Variants in KSR2 observed in about 807,000 individuals in gnomAD.
KSR2 encodes kinase suppressor of ras 2.
Under a neutral mutation model 107.8 loss-of-function variants are expected in KSR2, and 25 were observed. The ratio of observed to expected loss-of-function variants is 0.23; its 90% CI spans 0.17 to 0.32. The LOEUF is 0.32. Among genes scored for constraint, KSR2 ranks in the 10% least tolerant of loss-of-function variants. KSR2 has a pLI of 1.00. For synonymous variants in KSR2, 480 were observed against 507.0 expected (o/e 0.95, Z 0.71); for missense variants, 887 against 1,268.9 (o/e 0.70, Z 4.57).
chr12:117,530,691 A>C lies in KSR2; in HGVS notation c.1802+250T>G, dbSNP rs75917391. Among the ~76,000 whole-genome samples the C allele has an allele frequency of 1.0e-2, 1,516 of 152,302 alleles. 16 individuals are homozygous for C. Among genetic ancestry groups the C allele is most frequent in the African/African-American group, 0.028 (1,174 of 41,550 alleles). On this transcript the variant is annotated intron_variant, in intron 12 of 19. Coordinates refer to ENST00000339824, the MANE Select transcript of KSR2 (RefSeq NM_173598.6). ...GAAATTGCATTTGACAGGCAGGGTCAGAGACACAAGGCATAGCTGCTCGTG... is the reference window on the plus strand; with the variant it reads ...GAAATTGCATTTGACAGGCAGGGTCCGAGACACAAGGCATAGCTGCTCGTG...
chr12:117,896,033 T>C (rs1469428070), intron 1 of KSR2, among the ~76,000 whole-genome samples: 1 of 152,236 alleles, frequency 6.6e-6, no homozygotes, highest in Non-Finnish European at 1.5e-5. Context: ...CACTCCATCC[T>C]GGGCTAAGAG....
intron 16 of KSR2, among the ~76,000 whole-genome samples, chr12:117,480,056 G>A (rs758785194): frequency 1.3e-5 from 2 of 151,874 alleles, no homozygotes; most frequent in Non-Finnish European, 2.9e-5. Flanking sequence ...GTGTGTGTGT[G>A]TGTGTTTATC....
Position 117,860,343 on chromosome 12 carries a change from G to T in KSR2, c.269C>A (p.Pro90His). The T allele has an allele frequency of 1.9e-6, 3 of 1,613,848 alleles. No individual in the cohort carries two copies. Among genetic ancestry groups the T allele is most frequent in the Non-Finnish European group, 2.5e-6 (3 of 1,179,808 alleles). ...GATTCGGAACCAGTGCCGTAGCTGG[G>T]GGAAGCCGTCCAGCTCCGCGTTGCG... Reference protein sequence around the residue: ...QERNAELDGFPQLRHWFRIVD... With the variant: ...QERNAELDGFHQLRHWFRIVD... Residue 90 changes from proline to histidine, a missense_variant, in exon 2 of 20, where the codon CCC (proline) becomes CAC (histidine). By Grantham distance (77) the Pro-to-His change is moderately conservative. Coordinates refer to ENST00000339824, the MANE Select transcript of KSR2 (RefSeq NM_173598.6).
rs1351279998 is a variant in KSR2 at position 117,458,497 on chromosome 12, T to G, written c.*8702A>C. The G allele has an allele frequency of 6.6e-6, 1 of 152,324 alleles. No individual in the cohort carries two copies. The highest frequency in any genetic ancestry group is 1.9e-4 in the East Asian group (1 of 5,186). 9.4% of individuals were successfully genotyped at this position (152,324 alleles called of 1,614,324 possible). A position where few individuals can be genotyped will look rare whatever the true frequency, so the allele number is the denominator to read the frequency against. On this transcript the variant is annotated 3_prime_UTR_variant, in exon 20 of 20. Transcript: ENST00000339824. Reference sequence around the variant, plus strand: ...AAGAAGGCGCGATGCAAATAGCATGTTGGCATAAACAAGTGCTGCCCGCTC... The same window carrying G: ...AAGAAGGCGCGATGCAAATAGCATGGTGGCATAAACAAGTGCTGCCCGCTC...
rs765952574 is a variant in KSR2, at chr12:117,761,339, C to T, written c.658G>A (p.Val220Met). 6 of 1,577,178 alleles carry T rather than the reference C, an allele frequency of 3.8e-6. No individual in the cohort carries two copies. The highest frequency in any genetic ancestry group is 2.2e-5 in the East Asian group (1 of 44,572). Reference sequence around the variant, plus strand: ...GTAAGCCTGTCCACGTGGGTGTACACAGGGGCCCCGGGAGTGGGGCTGGTG... The same window carrying T: ...GTAAGCCTGTCCACGTGGGTGTACATAGGGGCCCCGGGAGTGGGGCTGGTG... ...CHTSPTPGAPVYTHVDRLTVD... is the reference protein window; with the variant it reads ...CHTSPTPGAPMYTHVDRLTVD... Residue 220 changes from valine (V) to methionine (M), a missense_variant, in exon 4 of 20, where the codon GTG becomes ATG. Val to Met is a conservative substitution (Grantham distance 21). Coordinates refer to ENST00000339824, the MANE Select transcript of KSR2 (RefSeq NM_173598.6).
intron 4 of KSR2, among the ~76,000 whole-genome samples, chr12:117,683,519 A>C (rs1287488102): frequency 6.6e-6 from 1 of 152,242 alleles, no homozygotes; most frequent in Non-Finnish European, 1.5e-5. Context: ...ATACCTACAT[A>C]AATGTGTATA....
intron 4 of KSR2, among the ~76,000 whole-genome samples, chr12:117,758,430 G>C (rs1276419946): frequency 6.6e-6 from 1 of 152,054 alleles, no homozygotes; most frequent in Non-Finnish European, 1.5e-5. Flanking sequence ...TGGTCCCACG[G>C]CATTTTCCAC....
chr12:117,677,205 G>A, intron 4 of KSR2: 1 of 152,174 alleles, frequency 6.6e-6, no homozygotes, highest in Admixed American at 6.5e-5. Context: ...ATCAATGCAT[G>A]TTATGGGCTG....
intron 3 of KSR2, among the ~76,000 whole-genome samples, chr12:117,815,381 T>C (rs532640418): frequency 6.6e-6 from 1 of 152,128 alleles, no homozygotes; most frequent in South Asian, 2.1e-4. Flanking sequence ...TGGAACAGTC[T>C]CCGTGATACA....
At chr12:117,520,008 A>C (rs1279338462) in intron 14 of KSR2, among the ~76,000 whole-genome samples, 1 of 152,206 alleles carries the variant, frequency 6.6e-6, no homozygotes, top group Non-Finnish European at 1.5e-5. Context: ...CTCAGCCCTG[A>C]ATTGTGATCA....
At chr12:117,487,186 TA>T (rs1872511627) in intron 14 of KSR2, among the ~76,000 whole-genome samples, 1 of 152,238 alleles carries the variant, frequency 6.6e-6, no homozygotes, top group Non-Finnish European at 1.5e-5. Flanking sequence ...GTTAAGTGAT[TA>T]ATAAAATAGT....
intron 14 of KSR2, among the ~76,000 whole-genome samples, chr12:117,512,382 C>T (rs1874077364): frequency 6.6e-6 from 1 of 152,186 alleles, no homozygotes; most frequent in Admixed American, 6.5e-5. Context: ...CTTCTCTTCT[C>T]AGCTTTTTCT....
chr12:117,670,557 C>T (rs747373491), intron 4 of KSR2, among the ~76,000 whole-genome samples: 21 of 152,106 alleles, frequency 1.4e-4, no homozygotes, highest in Non-Finnish European at 2.9e-4. Context: ...CTGAGAAGTT[C>T]GATTTGGGAC....
At chr12:117,622,375 C>A (rs1882244945) in intron 5 of KSR2, among the ~76,000 whole-genome samples, 1 of 152,214 alleles carries the variant, frequency 6.6e-6, no homozygotes, top group Admixed American at 6.5e-5. Flanking sequence ...CTCAAAACAT[C>A]TGCAAAGCAA....
At chr12:117,589,957 G>A (rs1433332471) in intron 5 of KSR2, among the ~76,000 whole-genome samples, 1 of 152,210 alleles carries the variant, frequency 6.6e-6, no homozygotes, top group Non-Finnish European at 1.5e-5. Flanking sequence ...AAACTGGTGA[G>A]TGCATAGACC....
intron 4 of KSR2, among the ~76,000 whole-genome samples, chr12:117,702,830 G>A (rs1886379363): frequency 1.3e-5 from 2 of 152,124 alleles, no homozygotes; most frequent in Non-Finnish European, 2.9e-5. Flanking sequence ...TGAAAGCTCC[G>A]CTCTGGCTAC....
intron 15 of KSR2, among the ~76,000 whole-genome samples, chr12:117,484,787 A>G (rs1311536935): frequency 6.6e-6 from 1 of 152,212 alleles, no homozygotes; most frequent in Non-Finnish European, 1.5e-5. Flanking sequence ...GACCACAGAA[A>G]GGCCAGCCCC....
intron 18 of KSR2, among the ~76,000 whole-genome samples, chr12:117,470,165 A>C (rs961617697): frequency 6.9e-6 from 1 of 144,264 alleles, no homozygotes; most frequent in Non-Finnish European, 1.5e-5. Flanking sequence ...ATCTATGTCA[A>C]TTCACTCATT....
intron 1 of KSR2, among the ~76,000 whole-genome samples, chr12:117,883,883 A>C (rs1232040560): frequency 6.7e-6 from 1 of 148,594 alleles, no homozygotes; most frequent in East Asian, 1.9e-4. Context: ...CTCAAAAAAA[A>C]AAAAAAAAAA....
Sources: gnomAD v4.1 joint callset for allele counts (sites outside exome capture counted in the v4.1 genomes callset) on GRCh38, gnomAD v4.1.1 for gene constraint, MANE v1.5 for transcripts, NCBI Gene and HGNC (gene_info 2026-07-23, HGNC 2026-07-21) for gene names.